ART3: variants seen among roughly 807,000 people sequenced by gnomAD.
ART3 encodes the protein ecto-ADP-ribosyltransferase 3.
In ART3, 49 loss-of-function variants were observed where a neutral mutation model predicts 48.5. The observed-to-expected ratio is 1.01, with a 90% confidence interval of 0.80 to 1.28. The LOEUF (loss-of-function observed/expected upper bound fraction) is 1.28, where lower values mean the gene tolerates loss of function less well. ART3 is among the 50% of genes most tolerant of loss of function. The pLI, the probability that ART3 is intolerant of heterozygous loss-of-function variation, is 0.00. For synonymous variants in ART3, 145 were observed against 157.2 expected, an observed-to-expected ratio of 0.92 and a Z score of 0.58; for missense variants, 438 against 454.3, an observed-to-expected ratio of 0.96 and a Z score of 0.33.
At chr4:76,093,279 T>C (rs1288239083) in intron 3 of ART3, among the ~76,000 whole-genome samples, 2 of 152,082 alleles carry the variant, frequency 1.3e-5, no homozygotes, top group South Asian at 2.1e-4. Flanking sequence ...ATAAAAAAAG[T>C]ATCCAGGCAT....
chr4:76,024,771 G>A (rs1003678109), intron 1 of ART3, among the ~76,000 whole-genome samples: 11 of 152,190 alleles, frequency 7.2e-5, no homozygotes, highest in African/African-American at 2.7e-4. Flanking sequence ...TCTTTTCATA[G>A]TCAGCTGGGC....
chr4:76,107,704 C>A (rs1728740695), intron 10 of ART3, 57 bp from the exon 11 acceptor site: 1 of 1,228,674 alleles, frequency 8.1e-7, no homozygotes, highest in Non-Finnish European at 1.2e-6. Flanking sequence ...TCAGATCTTT[C>A]TTTTCTGGAT....
chr4:76,042,839 G>A (rs1194720647), intron 1 of ART3, among the ~76,000 whole-genome samples: 1 of 152,046 alleles, frequency 6.6e-6, no homozygotes, highest in African/African-American at 2.4e-5. Context: ...GACCTGAGCG[G>A]GTTGCCACTG....
intron 1 of ART3, among the ~76,000 whole-genome samples, chr4:76,017,421 A>G (rs1432774040): frequency 2.0e-5 from 3 of 151,808 alleles, no homozygotes; most frequent in Non-Finnish European, 4.4e-5. Flanking sequence ...CCAGCACTCT[A>G]TCCTACTGTG....
chr4:76,072,662 C>G (rs1720437280), upstream of ART3, among the ~76,000 whole-genome samples: 1 of 151,214 alleles, frequency 6.6e-6, no homozygotes, highest in Non-Finnish European at 1.5e-5. Context: ...TTTTTAAAAC[C>G]TGTGATTTGC....
chr4:76,012,184 G>C (rs763097883), intron 1 of ART3: 4 of 152,154 alleles, frequency 2.6e-5, no homozygotes, highest in Non-Finnish European at 4.4e-5. Context: ...AATCTTTTTG[G>C]TTGTGGAATC....
At chr4:76,026,719 A>C (rs1454221656) in intron 1 of ART3, among the ~76,000 whole-genome samples, 1 of 152,230 alleles carries the variant, frequency 6.6e-6, no homozygotes, top group Non-Finnish European at 1.5e-5. Context: ...GTAATTAAGC[A>C]TTGAATGAAT....
chr4:76,052,946 C>T (rs1736277712), intron 1 of ART3, among the ~76,000 whole-genome samples: 1 of 152,034 alleles, frequency 6.6e-6, no homozygotes, highest in South Asian at 2.1e-4. Context: ...CAAGGCTGGT[C>T]TCAAACTCCT....
intron 1 of ART3, among the ~76,000 whole-genome samples, chr4:76,050,627 C>T (rs1437590565): frequency 6.6e-6 from 1 of 152,228 alleles, no homozygotes; most frequent in Non-Finnish European, 1.5e-5. Flanking sequence ...GCAGGTGGAG[C>T]TGCCTGCCAG....
Position 76,080,286 on chromosome 4 carries a change from G to A in ART3, c.70-1538G>A, listed in dbSNP as rs183852313. 2.0e-3 allele frequency among the ~76,000 whole-genome samples: 298 copies of A among 152,186 alleles called. 2 individuals are homozygous for A. The highest frequency in any genetic ancestry group is 3.7e-3 in the Non-Finnish European group (249 of 68,026). On this transcript the variant is annotated intron_variant, in intron 2 of 11. Transcript: ENST00000355810. ...AAACGATACAGACCGTACCCTTAAG[G>A]ATCTAACAGTATAATACATATATTC...
At chr4:76,100,953 C>A (rs1191550878) in intron 7 of ART3, 37 bp from the exon 8 acceptor site, 2 of 1,610,034 alleles carry the variant, frequency 1.2e-6, no homozygotes, top group South Asian at 2.2e-5. Context: ...TCTTTTGTTC[C>A]ATTGTTAAAA....
intron 1 of ART3, chr4:76,033,960 C>G (rs1035918440): frequency 9.2e-5 from 14 of 152,748 alleles, no homozygotes; most frequent in African/African-American, 3.4e-4. Flanking sequence ...CGGATCAAAA[C>G]AAAAAGTACA....
chr4:76,034,507 A>T, intron 1 of ART3: 1 of 522,886 alleles, frequency 1.9e-6, no homozygotes, highest in Non-Finnish European at 3.3e-6. Context: ...CTCCGATGGT[A>T]ACCAGCCTTT....
At chr4:76,043,414 G>C (rs530212283) in intron 1 of ART3, among the ~76,000 whole-genome samples, 1 of 152,192 alleles carries the variant, frequency 6.6e-6, no homozygotes, top group African/African-American at 2.4e-5. Context: ...CAGGCATGGC[G>C]GGCTGCAGGT....
intron 1 of ART3, among the ~76,000 whole-genome samples, chr4:76,032,849 G>A (rs982817994): frequency 6.6e-6 from 1 of 151,972 alleles, no homozygotes; most frequent in African/African-American, 2.4e-5. Context: ...GCCTCCCAAA[G>A]TGCTGGGATT....
rs754733681 is a variant in ART3 at position 76,082,396 on chromosome 4, T to G, written c.642T>G (p.Phe214Leu). 5 of 1,614,190 alleles carry G rather than the reference T, an allele frequency of 3.1e-6. No individual in the cohort carries two copies. The highest frequency in any genetic ancestry group is 2.5e-6 in the Non-Finnish European group (3 of 1,180,038). The change falls in exon 3 of 12, where the codon TTT (phenylalanine) becomes TTG (leucine). Residue 214 changes from phenylalanine (F) to leucine (L), a missense_variant. Coordinates refer to ENST00000355810, the MANE Select transcript of ART3 (RefSeq NM_001130016.3). ...GCCTTGGAGTTGACATTGAAAATTTTCTTGATAAAGAAAGTGAAAGAATTA... is the reference window on the plus strand; with the variant it reads ...GCCTTGGAGTTGACATTGAAAATTTGCTTGATAAAGAAAGTGAAAGAATTA... ...YTCLGVDIEN[F>L]LDKESERITL...
chr4:76,023,447 G>A (rs375688092), intron 1 of ART3: 88 of 1,612,310 alleles, frequency 5.5e-5, no homozygotes, highest in Non-Finnish European at 3.6e-5. Context: ...TGAGACTGGA[G>A]GTTCCTCTGC....
At chr4:76,066,042 A>G (rs960648896) in intron 1 of ART3, among the ~76,000 whole-genome samples, 1 of 152,190 alleles carries the variant, frequency 6.6e-6, no homozygotes, top group Non-Finnish European at 1.5e-5. Context: ...ATTCTAGAAC[A>G]GAGAAAAGGA....
chr4:76,021,586 C>T (rs1446310036), intron 1 of ART3: 2 of 234,060 alleles, frequency 8.5e-6, no homozygotes, highest in Admixed American at 6.8e-5. Context: ...TTCTGATAAA[C>T]CCCAAAGCAG....
Sources: gnomAD v4.1 joint callset for allele counts (sites outside exome capture counted in the v4.1 genomes callset) on GRCh38, gnomAD v4.1.1 for gene constraint, MANE v1.5 for transcripts, NCBI Gene and HGNC (gene_info 2026-07-23, HGNC 2026-07-21) for gene names.